The following NAB1 variants were observed in gnomAD, a reference collection of about 807,000 sequenced individuals.
NAB1 encodes the protein NGFI-A binding protein 1.
NAB1 carries 25 observed loss-of-function variants against 49.9 expected under a neutral mutation model. That is an observed-to-expected ratio of 0.50 (90% CI 0.37 to 0.70). NAB1 has a LOEUF of 0.70. Ranked by LOEUF, NAB1 falls within the 30% of genes least tolerant of loss-of-function variation. The pLI is 0.00. For missense variants in NAB1, 489 were observed against 575.9 expected (o/e 0.85, Z 1.54); for synonymous variants, 198 against 215.6 (o/e 0.92, Z 0.71).
rs916189327 is a variant in NAB1 at position 190,668,641 on chromosome 2, G to A, written c.820-1685G>A. Among the ~76,000 whole-genome samples, 6 of 151,968 alleles carry A rather than the reference G, an allele frequency of 3.9e-5. No individual in the cohort carries two copies. The South Asian group carries it at 8.3e-4, about 21-fold the overall frequency. On this transcript the variant is annotated intron_variant, in intron 4 of 9. Coordinates refer to ENST00000337386, the MANE Select transcript of NAB1 (RefSeq NM_005966.4). ...ATGTTTATATGTACACTGAAATATT[G>A]GAATAATGTATATTAGAATATTGTC...
At chr2:190,671,769 C>CTTTTTTTTTTT (rs1177937369) in intron 5 of NAB1, among the ~76,000 whole-genome samples, 3 of 71,722 alleles carry the variant, frequency 4.2e-5, no homozygotes, top group African/African-American at 1.2e-4. Context: ...TTCACCTTTC[C>CTTTTTTTTTTT]TTTTTTTTTT....
In NAB1 at chr2:190,690,440, G is replaced by C. The variant is rs1695898105; in HGVS notation, c.*107G>C. ...AGTGTTGCCTCATTCAGCTCAAACAGATTTCATAGCCAAAGCAAAAGGACT... is the reference window on the plus strand; with the variant it reads ...AGTGTTGCCTCATTCAGCTCAAACACATTTCATAGCCAAAGCAAAAGGACT... On this transcript the variant is annotated 3_prime_UTR_variant, in exon 10 of 10. Transcript: ENST00000337386. The C allele has an allele frequency of 3.5e-6, 3 of 853,150 alleles. No homozygotes were observed. The highest frequency in any genetic ancestry group is 4.1e-5 in the Admixed American group (2 of 48,512). 52.8% of individuals were successfully genotyped at this position (853,150 alleles called of 1,614,324 possible). A position where few individuals can be genotyped will look rare whatever the true frequency, so the allele number is the denominator to read the frequency against.
chr2:190,666,969 A>G lies in NAB1; in HGVS notation c.820-3357A>G, dbSNP rs1284606782. Among the ~76,000 whole-genome samples, 1 of 152,136 alleles carries G rather than the reference A, an allele frequency of 6.6e-6. No homozygotes were observed. The highest frequency in any genetic ancestry group is 1.5e-5 in the Non-Finnish European group (1 of 68,030). On this transcript the variant is annotated intron_variant, in intron 4 of 9. Transcript: ENST00000337386. This position sits in a 1 kb window ranked among gnomAD's most constrained non-coding sequence, Gnocchi z 5.6. ...TGTAATTATATCATGATAGTTATTG[A>G]TGTGTTCATTATTAGCAGCTAGGGA...
At chr2:190,681,651 G>C (rs1695351103) in intron 6 of NAB1, among the ~76,000 whole-genome samples, 2 of 152,172 alleles carry the variant, frequency 1.3e-5, no homozygotes, top group Non-Finnish European at 2.9e-5. Flanking sequence ...ACCATCTTAA[G>C]ACGTTAAGTT....
In NAB1 at chr2:190,659,858, T is replaced by C. The variant is rs1694129646; in HGVS notation, c.682T>C (p.Leu228=). ...AGAGCTGCTAAAAACCAACAAGAAG[T>C]TGGCCAAAATGATTGGTCACATCTT... ...VKELLKTNKK[L]AKMIGHIFEM... The change falls in exon 4 of 10, where the codon TTG becomes CTG. Residue 228 remains leucine (L), a synonymous_variant. Coordinates refer to ENST00000337386, the MANE Select transcript of NAB1 (RefSeq NM_005966.4). The surrounding 1 kb of genome is among the most constrained non-coding windows in gnomAD (Gnocchi z 6.2). 2 of 1,614,178 alleles carry C rather than the reference T, an allele frequency of 1.2e-6. No homozygotes were observed. Among genetic ancestry groups the C allele is most frequent in the South Asian group, 1.1e-5 (1 of 91,086 alleles).
Position 190,691,984 on chromosome 2 carries a change from T to TTC in NAB1, c.*1652_*1653dup, listed in dbSNP as rs555917904. 9.2e-5 allele frequency: 14 copies of TTC among 152,754 alleles called. No homozygotes were observed. In the East Asian group the frequency reaches 2.7e-3, roughly 29 times the overall value. 9.5% of individuals were successfully genotyped at this position (152,754 alleles called of 1,614,324 possible). A position where few individuals can be genotyped will look rare whatever the true frequency, so the allele number is the denominator to read the frequency against. On this transcript the variant is annotated 3_prime_UTR_variant, in exon 10 of 10. Transcript: ENST00000337386. This position sits in a 1 kb window ranked among gnomAD's most constrained non-coding sequence, Gnocchi z 4.1. ...ACTTTTATACTGTTAAAAGGCTTTT[T>TTC]TCCCCTTCCTAAATGTTTTAATTGT... is the stretch of plus-strand genomic sequence containing the variant.
chr2:190,659,229 T>C lies in NAB1; in HGVS notation c.53T>C (p.Leu18Ser), dbSNP rs1387171821. ...TLGELQLYRI[L>S]QKANLLSYFD... ...GGGGAGTTGCAGCTGTATAGAATAT[T>C]ACAAAAAGCCAATCTACTTTCTTAT... is the stretch of plus-strand genomic sequence containing the variant. The change falls in exon 4 of 10, where the codon TTA becomes TCA. Residue 18 changes from leucine to serine, a missense_variant. Around this residue, in one of 4 missense-constraint regions of NAB1, gnomAD observed 35 missense variants for 85.6 expected, o/e 0.41. Transcript: ENST00000337386. The surrounding 1 kb of genome is among the most constrained non-coding windows in gnomAD (Gnocchi z 6.2). 1 of 1,613,884 alleles carries C rather than the reference T, an allele frequency of 6.2e-7. No individual in the cohort carries two copies. The highest frequency in any genetic ancestry group is 8.5e-7 in the Non-Finnish European group (1 of 1,180,002).
At chr2:190,673,932 CCTTT>C (rs1331857864) in intron 6 of NAB1, among the ~76,000 whole-genome samples, 1 of 149,742 alleles carries the variant, frequency 6.7e-6, no homozygotes, top group African/African-American at 2.4e-5. Context: ...GTGGCTCCTT[CCTTT>C]CTTTTTGTTT....
chr2:190,649,164 G>T lies in NAB1; in HGVS notation c.-530G>T. On this transcript the variant is annotated 5_prime_UTR_variant, in exon 1 of 10. Coordinates refer to ENST00000337386, the MANE Select transcript of NAB1 (RefSeq NM_005966.4). The surrounding 1 kb of genome is among the most constrained non-coding windows in gnomAD (Gnocchi z 6.1). ...GCGAGCGCCGTCGGGGCGGGTGGGC[G>T]GGAAGAAGCGGCGGGCCCGAGGTGG... 1 of 139,700 alleles carries T rather than the reference G, an allele frequency of 7.2e-6. No homozygotes were observed. The highest frequency in any genetic ancestry group is 2.3e-4 in the South Asian group (1 of 4,294). 8.7% of individuals were successfully genotyped at this position (139,700 alleles called of 1,614,324 possible).
At chr2:190,649,068 G>T, upstream of NAB1, 1 of 145,978 alleles carries the variant, frequency 6.9e-6, no homozygotes, top group South Asian at 1.8e-4. The surrounding 1 kb of genome is among the most constrained non-coding windows in gnomAD (Gnocchi z 6.1). Flanking sequence ...GCGCGGCGGG[G>T]GAGGCGCTGC....
rs1009185968 is a variant in NAB1, at chr2:190,680,207, G to C, written c.1006-3531G>C. ...GCTTTCTGAAATGCAAATCCGATCA[G>C]TCTCTTCCCTGAGACTTTCAATGGC... is the stretch of plus-strand genomic sequence containing the variant. On this transcript the variant is annotated intron_variant, in intron 6 of 9. Coordinates refer to ENST00000337386, the MANE Select transcript of NAB1 (RefSeq NM_005966.4). The surrounding 1 kb of genome is among the most constrained non-coding windows in gnomAD (Gnocchi z 5.2). Among the ~76,000 whole-genome samples the C allele has an allele frequency of 6.6e-6, 1 of 152,164 alleles. No homozygotes were observed. The highest frequency in any genetic ancestry group is 2.1e-4 in the South Asian group (1 of 4,830).
chr2:190,653,205 T>G (rs966781148), intron 2 of NAB1, among the ~76,000 whole-genome samples: 15 of 152,256 alleles, frequency 9.9e-5, no homozygotes, highest in African/African-American at 3.6e-4. Context: ...TCTCCTGAAC[T>G]TGGAATACTT....
intron 6 of NAB1, among the ~76,000 whole-genome samples, chr2:190,673,600 G>A (rs1367832758): frequency 3.3e-5 from 5 of 152,128 alleles, no homozygotes; most frequent in Admixed American, 3.3e-4. Flanking sequence ...AACTTCACGG[G>A]TTAAACCATT....
At position 190,649,805 on chromosome 2, in the gene NAB1, T is replaced by G. The variant is rs1693563217; in HGVS notation, c.-333-41T>G. The stretch of plus-strand genomic sequence containing the variant: ...GCACTTACCGTCTCGATTTTCTTCT[T>G]GGGTATCTTCCCTTTCCGAATGTAG... On this transcript the variant is annotated intron_variant, in intron 1 of 9. Coordinates refer to ENST00000337386, the MANE Select transcript of NAB1 (RefSeq NM_005966.4). The surrounding 1 kb of genome is among the most constrained non-coding windows in gnomAD (Gnocchi z 6.1). 1 of 152,184 alleles carries G rather than the reference T, an allele frequency of 6.6e-6. No homozygotes were observed. Among genetic ancestry groups the G allele is most frequent in the Non-Finnish European group, 1.5e-5 (1 of 68,040 alleles). The allele number at this position is 152,184 out of a possible 1,614,324, so 9.4% of individuals were successfully genotyped here. A position where few individuals can be genotyped will look rare whatever the true frequency, so the allele number is the denominator to read the frequency against.
rs200027015 is a variant in NAB1 at position 190,691,828 on chromosome 2, T to TA, written c.*1496dup. The stretch of plus-strand genomic sequence containing the variant: ...TAAAAAATATTAAGTCATAATCTGT[T>TA]ACACTAAAATTTGTCAGCCAAATGT... On this transcript the variant is annotated 3_prime_UTR_variant, in exon 10 of 10. Coordinates refer to ENST00000337386, the MANE Select transcript of NAB1 (RefSeq NM_005966.4). This position sits in a 1 kb window ranked among gnomAD's most constrained non-coding sequence, Gnocchi z 4.1. The TA allele has an allele frequency of 2.5e-4, 38 of 152,302 alleles. No individual in the cohort carries two copies. In the East Asian group the frequency reaches 5.2e-3, roughly 21 times the overall value. The allele number at this position is 152,302 out of a possible 1,614,324, so 9.4% of individuals were successfully genotyped here.
In NAB1 at chr2:190,659,779, G is replaced by T; in HGVS notation, c.603G>T (p.Glu201Asp). Residue 201 changes from glutamate to aspartate, a missense_variant, in exon 4 of 10, where the codon GAG (glutamate) becomes GAT (aspartate). Around this residue, in one of 4 missense-constraint regions of NAB1, gnomAD observed 204 missense variants for 220.9 expected, o/e 0.92. Transcript: ENST00000337386. This position sits in a 1 kb window ranked among gnomAD's most constrained non-coding sequence, Gnocchi z 6.2. ...CTGCTGCTGCGCTCTCTGTGGCTGA[G>T]TGTGTGGAGCGGATGGCCCCCACAC... ...LDAAAALSVA[E>D]CVERMAPTLP... 1 of 1,614,164 alleles carries T rather than the reference G, an allele frequency of 6.2e-7. No homozygotes were observed. The highest frequency in any genetic ancestry group is 8.5e-7 in the Non-Finnish European group (1 of 1,180,020).
rs753144041 is a variant in NAB1 at position 190,690,326 on chromosome 2, C to G, written c.1457C>G (p.Ser486Ter). The change falls in exon 10 of 10, where the codon TCA (serine) becomes TGA (stop). Residue 486 changes from serine (S) to a stop codon, truncating the protein, a stop_gained. Transcript: ENST00000337386. LOFTEE classifies it high-confidence loss of function. ...GTCATCAAAACAGAGCCTGAAGATT[C>G]AAGATAGCTGTGATTTCTCTCACCG... ...KKVIKTEPED[S>*]R The G allele has an allele frequency of 6.2e-7, 1 of 1,606,904 alleles. No homozygotes were observed. The highest frequency in any genetic ancestry group is 8.5e-7 in the Non-Finnish European group (1 of 1,174,454).
intron 6 of NAB1, 57 bp downstream of exon 6, chr2:190,673,209 C>A: frequency 1.3e-6 from 2 of 1,532,828 alleles, no homozygotes; most frequent in South Asian, 2.2e-5. Flanking sequence ...GTTTTAAGAT[C>A]AAGCAAAATC....
Position 190,659,813 on chromosome 2 carries a change from A to G in NAB1, c.637A>G (p.Ser213Gly). The G allele has an allele frequency of 6.2e-7, 1 of 1,614,230 alleles. No homozygotes were observed. The highest frequency in any genetic ancestry group is 1.1e-5 in the South Asian group (1 of 91,088). The change falls in exon 4 of 10, where the codon AGT becomes GGT. Residue 213 changes from serine (S) to glycine (G), a missense_variant. This residue lies in a region of NAB1 where 204 missense variants were observed against 220.9 expected (regional missense o/e 0.92). Coordinates refer to ENST00000337386, the MANE Select transcript of NAB1 (RefSeq NM_005966.4). The surrounding 1 kb of genome is among the most constrained non-coding windows in gnomAD (Gnocchi z 6.2). ...GCGGATGGCCCCCACACTGCCAAAA[A>G]GTGACTTGAATGAAGTGAAAGAGCT... Reference protein sequence around the residue: ...VERMAPTLPKSDLNEVKELLK... With the variant: ...VERMAPTLPKGDLNEVKELLK...
Sources: gnomAD v4.1 joint callset for allele counts (sites outside exome capture counted in the v4.1 genomes callset) on GRCh38, gnomAD v4.1.1 for gene constraint, gnomAD v4.1.1 regional missense constraint, Gnocchi (gnomAD v3.1) non-coding constraint, MANE v1.5 for transcripts, NCBI Gene and HGNC (gene_info 2026-07-23, HGNC 2026-07-21) for gene names.